The following ANK1 variants were observed in gnomAD, a reference collection of about 807,000 sequenced individuals.
ANK1 encodes the protein ankyrin 1, also known as ankyrin-1.
Under a neutral mutation model 210.4 loss-of-function variants are expected in ANK1, and 51 were observed. The observed-to-expected ratio is 0.24, with a 90% CI of 0.19 to 0.31. The LOEUF (loss-of-function observed/expected upper bound fraction) is 0.31, where lower values mean the gene tolerates loss of function less well. Among genes scored for constraint, ANK1 ranks in the 10% least tolerant of loss-of-function variants. ANK1 has a pLI of 1.00. For missense variants in ANK1, 2,051 were observed against 2,504.4 expected, an observed-to-expected ratio of 0.82 and a Z score of 3.86; for synonymous variants, 967 against 1,025.9, an observed-to-expected ratio of 0.94 and a Z score of 1.10.
chr8:41,857,636 G>A (rs1266603493), intron 1 of ANK1, among the ~76,000 whole-genome samples: 2 of 151,988 alleles, frequency 1.3e-5, no homozygotes. Context: ...TCCTTAGGAG[G>A]CTGAGGCAGG....
chr8:41,874,568 TG>T (rs1329306954), intron 1 of ANK1, among the ~76,000 whole-genome samples: 1 of 152,124 alleles, frequency 6.6e-6, no homozygotes, highest in Non-Finnish European at 1.5e-5. Flanking sequence ...GAGCAGGGCA[TG>T]GGGTGGAGAT....
In ANK1 at chr8:41,715,046, G is replaced by A. The variant is rs1466008916; in HGVS notation, c.1631C>T (p.Ala544Val). The change falls in exon 15 of 43, where the codon GCC becomes GTC. Residue 544 changes from alanine to valine, a missense_variant. This residue lies in a region of ANK1 where 1,413 missense variants were observed against 1,707.4 expected (regional missense o/e 0.83). Coordinates refer to ENST00000289734, the MANE Select transcript of ANK1 (RefSeq NM_000037.4). ...TGCCACCCGCACCTTCCCGTACTTGGCCGCCACGTGCAGAGGGGTAAATCC... is the reference window on the plus strand; with the variant it reads ...TGCCACCCGCACCTTCCCGTACTTGACCGCCACGTGCAGAGGGGTAAATCC... ...KKGFTPLHVA[A>V]KYGKVRVAEL... 3 of 1,613,990 alleles carry A rather than the reference G, an allele frequency of 1.9e-6. No homozygotes were observed. The African/African-American group carries it at 4.0e-5, about 22-fold the overall frequency.
chr8:41,879,748 C>T (rs1477444718), intron 1 of ANK1, among the ~76,000 whole-genome samples: 2 of 152,238 alleles, frequency 1.3e-5, no homozygotes, highest in African/African-American at 4.8e-5. Context: ...GTCAAAGCAA[C>T]ACTCCCCTGG....
chr8:41,665,551 T>A (rs1306902911), intron 39 of ANK1: 2 of 319,032 alleles, frequency 6.3e-6, no homozygotes, highest in Admixed American at 9.1e-5. Flanking sequence ...AATAATACAG[T>A]CCGAGAAAGC....
At chr8:41,795,020 A>G (rs1310004613) in intron 1 of ANK1, among the ~76,000 whole-genome samples, 12 of 152,230 alleles carry the variant, frequency 7.9e-5, no homozygotes, top group Admixed American at 7.9e-4. Flanking sequence ...GTTGTTAAAC[A>G]GACCTGGAGG....
At chr8:41,724,007 C>T (rs1024811184) in intron 7 of ANK1, among the ~76,000 whole-genome samples, 1 of 151,798 alleles carries the variant, frequency 6.6e-6, no homozygotes, top group Non-Finnish European at 1.5e-5. Flanking sequence ...CCAGGATGGT[C>T]TCGATCTCCT....
intron 1 of ANK1, among the ~76,000 whole-genome samples, chr8:41,830,310 A>G (rs78480755): frequency 0.023 from 3,494 of 149,556 alleles, 50 homozygotes; most frequent in Non-Finnish European, 0.035. Flanking sequence ...TGCAAAATAC[A>G]TAGGCTACTA....
At position 41,856,874 on chromosome 8, in the gene ANK1, C is replaced by CTTTTTTTTTTTTTTT. The variant is rs35341809; in HGVS notation, c.126+39466_126+39480dup. Among the ~76,000 whole-genome samples, 6 of 95,276 alleles carry CTTTTTTTTTTTTTTT rather than the reference C, an allele frequency of 6.3e-5. 1 individual carries two copies. Among genetic ancestry groups the CTTTTTTTTTTTTTTT allele is most frequent in the African/African-American group, 2.9e-4 (6 of 20,838 alleles). The allele number at this position is 95,276 out of a possible 152,430, so 62.5% of individuals were successfully genotyped here. On this transcript the variant is annotated intron_variant, in intron 1 of 42. Coordinates refer to the ANK1 transcript ENST00000265709. The stretch of plus-strand genomic sequence containing the variant: ...TTTCGCCTTGGTGCTTAACAGCCCT[C>CTTTTTTTTTTTTTTT]TTTTTTTTTTTTTTTTTTTTTTTTT...
Position 41,704,569 on chromosome 8 carries a change from G to A in ANK1, c.2098-97C>T. 9.1e-7 allele frequency: 1 copy of A among 1,093,940 alleles called. No homozygotes were observed. The highest frequency in any genetic ancestry group is 1.4e-6 in the Non-Finnish European group (1 of 717,494). 67.8% of individuals were successfully genotyped at this position (1,093,940 alleles called of 1,614,324 possible). A position where few individuals can be genotyped will look rare whatever the true frequency, so the allele number is the denominator to read the frequency against. On this transcript the variant is annotated intron_variant, in intron 18 of 42. Coordinates refer to ENST00000289734, the MANE Select transcript of ANK1 (RefSeq NM_000037.4). The surrounding 1 kb of genome is among the most constrained non-coding windows in gnomAD (Gnocchi z 4.1). The stretch of plus-strand genomic sequence containing the variant: ...AGCTGATTCAAAGAGAGAACGGACA[G>A]GGAGCCCCTTGAAGGCTGACATTGA...
chr8:41,673,318 C>T (rs965539440), intron 37 of ANK1, among the ~76,000 whole-genome samples: 2 of 152,196 alleles, frequency 1.3e-5, no homozygotes, highest in Non-Finnish European at 2.9e-5. Context: ...CAGAAGTAGA[C>T]GTTGCTCCTC....
chr8:41,782,795 G>A (rs369497226), intron 1 of ANK1, among the ~76,000 whole-genome samples: 12 of 152,108 alleles, frequency 7.9e-5, no homozygotes, highest in African/African-American at 2.2e-4. Context: ...ATCTGGATCC[G>A]AAATTAGATG....
At chr8:41,701,743 G>A (rs1822857652) in intron 21 of ANK1, 121 bp from the exon 22 acceptor site, 1 of 1,060,344 alleles carries the variant, frequency 9.4e-7, no homozygotes. Context: ...ACAGACGGAG[G>A]AGGCGCTCAG....
intron 1 of ANK1, among the ~76,000 whole-genome samples, chr8:41,883,063 A>T (rs1431458857): frequency 6.6e-6 from 1 of 152,208 alleles, no homozygotes; most frequent in Non-Finnish European, 1.5e-5. Flanking sequence ...GCCTGATTAC[A>T]CAGGCTCAGC....
At chr8:41,736,894 G>A (rs913095703) in intron 2 of ANK1, among the ~76,000 whole-genome samples, 1 of 152,216 alleles carries the variant, frequency 6.6e-6, no homozygotes, top group African/African-American at 2.4e-5. Context: ...AAGGCCCAGA[G>A]TAGTCAAACG....
At chr8:41,747,113 T>A (rs946996845) in intron 2 of ANK1, among the ~76,000 whole-genome samples, 1 of 152,140 alleles carries the variant, frequency 6.6e-6, no homozygotes, top group Non-Finnish European at 1.5e-5. Flanking sequence ...AAAAGTAATA[T>A]GCCAAGATTC....
intron 2 of ANK1, among the ~76,000 whole-genome samples, chr8:41,755,995 C>T (rs868198934): frequency 5.3e-5 from 8 of 152,316 alleles, no homozygotes; most frequent in Non-Finnish European, 8.8e-5. Flanking sequence ...ACACCTACTT[C>T]TGTTTCCCAT....
intron 1 of ANK1, among the ~76,000 whole-genome samples, chr8:41,865,307 G>C (rs1442996210): frequency 6.6e-6 from 1 of 152,192 alleles, no homozygotes; most frequent in Non-Finnish European, 1.5e-5. Flanking sequence ...TCCCATTTCT[G>C]TTCCTAGCAA....
intron 14 of ANK1, among the ~76,000 whole-genome samples, chr8:41,715,412 C>T (rs1827353948): frequency 2.0e-5 from 3 of 152,218 alleles, no homozygotes; most frequent in Admixed American, 2.0e-4. Context: ...ATAATTGTGC[C>T]ATGATAAATG....
chr8:41,671,465 A>G (rs1354664233), intron 38 of ANK1, among the ~76,000 whole-genome samples: 1 of 152,158 alleles, frequency 6.6e-6, no homozygotes, highest in African/African-American at 2.4e-5. Context: ...GGTCTTCCCC[A>G]GCCTCATGAT....
Sources: gnomAD v4.1 joint callset for allele counts (sites outside exome capture counted in the v4.1 genomes callset) on GRCh38, gnomAD v4.1.1 for gene constraint, gnomAD v4.1.1 regional missense constraint, Gnocchi (gnomAD v3.1) non-coding constraint, MANE v1.5 for transcripts, NCBI Gene and HGNC (gene_info 2026-07-23, HGNC 2026-07-21) for gene names.